The following VPS41 variants were observed in gnomAD, a reference collection of about 807,000 sequenced individuals.
VPS41 encodes the protein VPS41 subunit of HOPS complex, also known as vacuolar protein sorting-associated protein 41 homolog.
A neutral mutation model predicts 130.9 loss-of-function variants in VPS41; 85 were observed. The ratio of observed to expected loss-of-function variants is 0.65; its 90% CI spans 0.55 to 0.78. The LOEUF (loss-of-function observed/expected upper bound fraction) is 0.78. Ranked by LOEUF, VPS41 falls within the 30% of genes least tolerant of loss-of-function variation. The pLI is 0.00. For synonymous variants in VPS41, 335 were observed against 332.9 expected, an observed-to-expected ratio of 1.01 and a Z score of -0.07; for missense variants, 874 against 1,018.7, an observed-to-expected ratio of 0.86 and a Z score of 1.93.
intron 21 of VPS41, among the ~76,000 whole-genome samples, chr7:38,754,291 A>G (rs765083839): frequency 9.2e-5 from 14 of 152,230 alleles, no homozygotes; most frequent in Admixed American, 8.5e-4. Context: ...GCGGTGCCAT[A>G]CTGGCCTTTA....
At chr7:38,859,764 AT>A (rs1297850268) in intron 4 of VPS41, among the ~76,000 whole-genome samples, 3 of 152,204 alleles carry the variant, frequency 2.0e-5, no homozygotes, top group African/African-American at 7.2e-5. Flanking sequence ...TGATTATACT[AT>A]GATTAATGTG....
intron 2 of VPS41, among the ~76,000 whole-genome samples, chr7:38,886,663 C>G (rs924371076): frequency 1.3e-5 from 2 of 152,356 alleles, no homozygotes; most frequent in East Asian, 1.9e-4. Context: ...CTGAAGGGAG[C>G]AGTGGTTCTC....
At chr7:38,764,968 G>A (rs1784006922) in intron 16 of VPS41, among the ~76,000 whole-genome samples, 1 of 152,124 alleles carries the variant, frequency 6.6e-6, no homozygotes, top group African/African-American at 2.4e-5. Context: ...AGGGCAGACA[G>A]GAGGAGTCAC....
chr7:38,768,867 G>A (rs950970392), intron 14 of VPS41, among the ~76,000 whole-genome samples: 5 of 152,014 alleles, frequency 3.3e-5, no homozygotes, highest in African/African-American at 1.2e-4. Context: ...GCATAAGCAT[G>A]TTTAAGTGCC....
At chr7:38,821,606 G>C (rs987384998) in intron 5 of VPS41, among the ~76,000 whole-genome samples, 1 of 150,214 alleles carries the variant, frequency 6.7e-6, no homozygotes, top group South Asian at 2.1e-4. Flanking sequence ...CTACTCAGGA[G>C]GATGATAGGA....
chr7:38,853,655 G>A (rs1383185089), intron 4 of VPS41, among the ~76,000 whole-genome samples: 1 of 152,090 alleles, frequency 6.6e-6, no homozygotes, highest in Non-Finnish European at 1.5e-5. Flanking sequence ...AGAACTGAGA[G>A]TACCCTGTAC....
At chr7:38,785,403 GAACAGTACACACAGATAAAAAA>G (rs1784421180) in intron 10 of VPS41, among the ~76,000 whole-genome samples, 1 of 152,170 alleles carries the variant, frequency 6.6e-6, no homozygotes, top group Non-Finnish European at 1.5e-5. Flanking sequence ...GACAGGAGCC[GAACAGTACACACAGATAAAAAA>G]CTGCTGAAAA....
intron 7 of VPS41, among the ~76,000 whole-genome samples, chr7:38,799,502 A>G (rs1784684469): frequency 6.6e-6 from 1 of 152,196 alleles, no homozygotes; most frequent in South Asian, 2.1e-4. Flanking sequence ...AATAATGAAC[A>G]TGACATGTCG....
intron 2 of VPS41, among the ~76,000 whole-genome samples, chr7:38,883,644 A>G (rs1786659732): frequency 8.2e-6 from 1 of 122,676 alleles, no homozygotes. Context: ...TCATCAATAA[A>G]TATTTTTTGA....
At chr7:38,815,384 A>ACTG (rs1404686768) in intron 7 of VPS41, among the ~76,000 whole-genome samples, 1 of 152,176 alleles carries the variant, frequency 6.6e-6, no homozygotes, top group Non-Finnish European at 1.5e-5. Context: ...AGATCATGCC[A>ACTG]CTGCACCCCA....
rs548035954 is a variant in VPS41, at chr7:38,895,380, T to C, written c.60+2711A>G. 5.3e-5 allele frequency among the ~76,000 whole-genome samples: 8 copies of C among 152,264 alleles called. No homozygotes were observed. The East Asian group carries it at 1.3e-3, about 26-fold the overall frequency. ...AACCACGTTAAGGTAGTTTATTGTA[T>C]CTGCAAATGCTTGTTTATAGACATT... On this transcript the variant is annotated intron_variant, in intron 2 of 28. Transcript: ENST00000310301.
chr7:38,772,792 G>A (rs1018328876), intron 12 of VPS41, among the ~76,000 whole-genome samples, 155 bp from the exon 13 acceptor site: 1 of 152,022 alleles, frequency 6.6e-6, no homozygotes, highest in African/African-American at 2.4e-5. Flanking sequence ...GGTAAGTGTG[G>A]GAGACAGGGT....
intron 4 of VPS41, among the ~76,000 whole-genome samples, chr7:38,844,574 T>C (rs1584423940): frequency 1.3e-5 from 2 of 152,306 alleles, no homozygotes; most frequent in Admixed American, 1.3e-4. Context: ...GAAAGAAATT[T>C]TGAGGAAGAG....
intron 2 of VPS41, among the ~76,000 whole-genome samples, chr7:38,884,019 A>C (rs1434216663): frequency 6.6e-6 from 1 of 152,236 alleles, no homozygotes; most frequent in Non-Finnish European, 1.5e-5. Context: ...TTTCTCAGCA[A>C]TCAATCTCAT....
At chr7:38,902,782 C>T (rs1053638843) in intron 1 of VPS41, among the ~76,000 whole-genome samples, 1 of 152,130 alleles carries the variant, frequency 6.6e-6, no homozygotes, top group African/African-American at 2.4e-5. Context: ...TCAGGGATAC[C>T]CCAGGGAGAG....
intron 27 of VPS41, 95 bp downstream of exon 27, chr7:38,728,447 T>A (rs544736581): frequency 7.6e-7 from 1 of 1,318,478 alleles, no homozygotes; most frequent in African/African-American, 1.4e-5. Flanking sequence ...GAAAGTTATA[T>A]AGTTTTATAA....
rs190056996 is a variant in VPS41 at position 38,847,837 on chromosome 7, G to A, written c.246+14708C>T. Among the ~76,000 whole-genome samples the A allele has an allele frequency of 1.1e-4, 17 of 152,276 alleles. No individual in the cohort carries two copies. In the East Asian group the frequency reaches 2.9e-3, roughly 26 times the overall value. On this transcript the variant is annotated intron_variant, in intron 4 of 28. Transcript: ENST00000310301. ...TAATGATAGCTGCAGCAATGCTAAT[G>A]CATTCTATTTATCTAAAATCTAAAC... is the stretch of plus-strand genomic sequence containing the variant.
intron 2 of VPS41, among the ~76,000 whole-genome samples, chr7:38,871,569 A>C (rs1050561870): frequency 6.6e-6 from 1 of 152,230 alleles, no homozygotes; most frequent in Non-Finnish European, 1.5e-5. Flanking sequence ...AATTTCCTCA[A>C]GACATACAGT....
At chr7:38,761,127 A>C (rs1196407722) in intron 17 of VPS41, among the ~76,000 whole-genome samples, 1 of 151,920 alleles carries the variant, frequency 6.6e-6, no homozygotes, top group Non-Finnish European at 1.5e-5. Flanking sequence ...TTTCAGATCA[A>C]GTTTCTTTCT....
Sources: allele counts gnomAD v4.1 joint callset (sites outside exome capture counted in the v4.1 genomes callset), GRCh38; gene constraint gnomAD v4.1.1; transcripts MANE v1.5; gene names NCBI Gene and HGNC (gene_info 2026-07-23, HGNC 2026-07-21).